Variants in IGFN1 observed in about 807,000 individuals in gnomAD.
IGFN1 encodes the protein immunoglobulin like and fibronectin type III domain containing 1, also known as immunoglobulin-like and fibronectin type III domain-containing protein 1.
IGFN1 carries 253 observed loss-of-function variants against 289.5 expected under a neutral mutation model. The ratio of observed to expected loss-of-function variants is 0.87; its 90% CI spans 0.79 to 0.97. The LOEUF (loss-of-function observed/expected upper bound fraction) is 0.97. Ranked by LOEUF, IGFN1 falls within the 50% of genes least tolerant of loss-of-function variation. The pLI is 0.00. For synonymous variants in IGFN1, 1,706 were observed against 1,788.5 expected (o/e 0.95, Z 1.16); for missense variants, 4,470 against 4,686.1 (o/e 0.95, Z 1.35).
At chr1:201,195,120 G>T (rs1313907220) in intron 3 of IGFN1, among the ~76,000 whole-genome samples, 2 of 151,970 alleles carry the variant, frequency 1.3e-5, no homozygotes, top group East Asian at 1.9e-4. Context: ...TCCCCCTAGA[G>T]AGTAGGAAGG....
intron 5 of IGFN1, among the ~76,000 whole-genome samples, chr1:201,198,039 T>C (rs1483074465): frequency 6.6e-6 from 1 of 152,238 alleles, no homozygotes; most frequent in African/African-American, 2.4e-5. Flanking sequence ...TATCACCTCA[T>C]GGCCATAAGA....
At position 201,206,448 on chromosome 1, in the gene IGFN1, G is replaced by GC. The variant is rs746239913; in HGVS notation, c.1556dup (p.Glu520ArgfsTer31). On this transcript the variant is annotated frameshift_variant, in exon 12 of 24. Transcript: ENST00000335211. LOFTEE classifies it high-confidence loss of function. ...AGAGGGAGGCTGGGCCAGAAGCCTT[G>GC]CAGAGAGGCCCCATCTACAGGGAGA... 13 of 1,551,248 alleles carry GC rather than the reference G, an allele frequency of 8.4e-6. No individual in the cohort carries two copies. In the South Asian group the frequency reaches 1.4e-4, roughly 17 times the overall value.
At chr1:201,193,409 G>A (rs2102314112) in intron 2 of IGFN1, 109 bp downstream of exon 2, 1 of 760,022 alleles carries the variant, frequency 1.3e-6, no homozygotes, top group African/African-American at 1.8e-5. Context: ...TGCCCATCTT[G>A]TTGTTGTTTT....
At position 201,221,327 on chromosome 1, in the gene IGFN1, G is replaced by T. The variant is rs996488506; in HGVS notation, c.9899-117G>T. The T allele has an allele frequency of 7.6e-6, 6 of 785,962 alleles. No homozygotes were observed. In the African/African-American group the frequency reaches 1.1e-4, roughly 14 times the overall value. The allele number at this position is 785,962 out of a possible 1,614,324, so 48.7% of individuals were successfully genotyped here. On this transcript the variant is annotated intron_variant, in intron 18 of 23. Coordinates refer to ENST00000335211, the MANE Select transcript of IGFN1 (RefSeq NM_001164586.2). ...TAGGTGCTTCAGGAAGAATCTAAAG[G>T]CAGAATTGCTAAGTGAAAACAATTC...
rs952640067 is a variant in IGFN1, at chr1:201,217,287, C to A, written c.9596C>A (p.Ala3199Asp). ...ESEEILVAPE[A>D]LPKAPSAPAI... ...TGACTGGAATCTTTCTTACCCCCAGCTCTCCCCAAGGCCCCTTCCGCGCCA... is the reference window on the plus strand; with the variant it reads ...TGACTGGAATCTTTCTTACCCCCAGATCTCCCCAAGGCCCCTTCCGCGCCA... Residue 3199 changes from alanine (A) to aspartate (D), a missense_variant and splice_region_variant, in exon 17 of 24, where the codon GCT becomes GAT. Ala to Asp is a moderately radical substitution (Grantham distance 126). Coordinates refer to ENST00000335211, the MANE Select transcript of IGFN1 (RefSeq NM_001164586.2). The A allele has an allele frequency of 1.3e-5, 21 of 1,612,838 alleles. No homozygotes were observed. Among genetic ancestry groups the A allele is most frequent in the Middle Eastern group, 1.7e-4 (1 of 5,728 alleles).
rs750491773 is a variant in IGFN1 at position 201,225,595 on chromosome 1, A to AAAAC, written c.10487-215_10487-212dup. 6.6e-5 allele frequency among the ~76,000 whole-genome samples: 10 copies of AAAAC among 152,338 alleles called. No individual in the cohort carries two copies. In the East Asian group the frequency reaches 1.2e-3, roughly 18 times the overall value. On this transcript the variant is annotated intron_variant, in intron 21 of 23. Coordinates refer to ENST00000335211, the MANE Select transcript of IGFN1 (RefSeq NM_001164586.2). ...GTGACAGAGCCAGACTCCGTCTCAAAAAACAAACAAACAAACACACTGAAG... is the reference window on the plus strand; with the variant it reads ...GTGACAGAGCCAGACTCCGTCTCAAAAAACAAACAAACAAACAAACACACTGAAG...
chr1:201,207,303 G>A lies in IGFN1; in HGVS notation c.2410G>A (p.Gly804Ser). 1 of 1,536,758 alleles carries A rather than the reference G, an allele frequency of 6.5e-7. No homozygotes were observed. Among genetic ancestry groups the A allele is most frequent in the Non-Finnish European group, 8.7e-7 (1 of 1,146,904 alleles). The change falls in exon 12 of 24, where the codon GGT becomes AGT. Residue 804 changes from glycine (G) to serine (S), a missense_variant. Transcript: ENST00000335211. ...TGGCCAGGAAACAGCTTGGGCCTCG[G>A]GTGAGGTAGAGTATGACCCCAGAAG... Reference protein sequence around the residue: ...RDGQETAWASGEVEYDPRSFQ... With the variant: ...RDGQETAWASSEVEYDPRSFQ...
chr1:201,194,339 G>C, intron 3 of IGFN1, 66 bp downstream of exon 3: 1 of 1,526,814 alleles, frequency 6.5e-7, no homozygotes, highest in East Asian at 2.5e-5. Context: ...CAGGGGAGAG[G>C]GCTGGGGCAC....
chr1:201,227,348 A>G (rs1374356514), intron 23 of IGFN1, 140 bp downstream of exon 23: 2 of 599,254 alleles, frequency 3.3e-6, no homozygotes, highest in Admixed American at 6.5e-5. Context: ...GACTCTATGA[A>G]CTTTCAGCTA....
chr1:201,205,022 C>T (rs1219500361), intron 10 of IGFN1, 60 bp from the exon 11 acceptor site: 16 of 1,463,532 alleles, frequency 1.1e-5, no homozygotes, highest in Admixed American at 2.2e-5. Flanking sequence ...AGCCTTGCTG[C>T]CTTAGGTCAC....
At chr1:201,227,279 G>GCACC in intron 23 of IGFN1, 71 bp downstream of exon 23, 1 of 1,274,662 alleles carries the variant, frequency 7.8e-7, no homozygotes, top group Non-Finnish European at 1.1e-6. Flanking sequence ...TGTCAGGGAG[G>GCACC]CTCCGGGGGG....
At chr1:201,228,171 G>T (rs3753970) in intron 23 of IGFN1, among the ~76,000 whole-genome samples, 1 of 152,058 alleles carries the variant, frequency 6.6e-6, no homozygotes, top group Non-Finnish European at 1.5e-5. Context: ...GTCCCGGAAC[G>T]AAGATGGCAT....
chr1:201,216,076 C>T (rs945469426), intron 15 of IGFN1: 1 of 707,134 alleles, frequency 1.4e-6, no homozygotes, highest in Non-Finnish European at 2.6e-6. Flanking sequence ...TCTCTGACCC[C>T]AATACACTGG....
chr1:201,217,338 G>A lies in IGFN1; in HGVS notation c.9647G>A (p.Gly3216Asp), dbSNP rs778149677. ...APAILSASSQ[G>D]ITLTWTAPRG... The stretch of plus-strand genomic sequence containing the variant: ...GCCATCCTGTCGGCCTCCAGCCAGG[G>A]CATCACACTGACATGGACAGCACCT... Residue 3216 changes from glycine (G) to aspartate (D), a missense_variant, in exon 17 of 24, where the codon GGC (glycine) becomes GAC (aspartate). Transcript: ENST00000335211. 1 of 1,614,114 alleles carries A rather than the reference G, an allele frequency of 6.2e-7. No individual in the cohort carries two copies. Among genetic ancestry groups the A allele is most frequent in the Non-Finnish European group, 8.5e-7 (1 of 1,179,994 alleles).
rs866393822 is a variant in IGFN1 at position 201,213,041 on chromosome 1, G to A, written c.8148G>A (p.Gly2716=). ...DAEDSGILGK[G]NSTEWGNALT... Reference sequence around the variant, plus strand: ...AGGACTCAGGTATCCTGGGCAAGGGGAATTCTACTGAGTGGGGGAATGCCC... The same window carrying A: ...AGGACTCAGGTATCCTGGGCAAGGGAAATTCTACTGAGTGGGGGAATGCCC... The change falls in exon 12 of 24, where the codon GGG becomes GGA. Residue 2716 remains glycine (G), a synonymous_variant. Transcript: ENST00000335211. 1 of 1,551,614 alleles carries A rather than the reference G, an allele frequency of 6.4e-7. No individual in the cohort carries two copies. Among genetic ancestry groups the A allele is most frequent in the Non-Finnish European group, 8.7e-7 (1 of 1,146,948 alleles).
Position 201,203,856 on chromosome 1 carries a change from A to G in IGFN1, c.866A>G (p.Gln289Arg). ...AGGCCTGAGGACTCTGGCATTTACCAGGTCAAGGTGGAGGATGCTGTGGTC... is the reference window on the plus strand; with the variant it reads ...AGGCCTGAGGACTCTGGCATTTACCGGGTCAAGGTGGAGGATGCTGTGGTC... Reference protein sequence around the residue: ...DLRPEDSGIYQVKVEDAVVFS... With the variant: ...DLRPEDSGIYRVKVEDAVVFS... Residue 289 changes from glutamine to arginine, a missense_variant, in exon 10 of 24, where the codon CAG becomes CGG. This residue lies in a region of IGFN1 where 2,011 missense variants were observed against 1,953.4 expected (regional missense o/e 1.03). Coordinates refer to ENST00000335211, the MANE Select transcript of IGFN1 (RefSeq NM_001164586.2). 1.3e-6 allele frequency: 2 copies of G among 1,551,710 alleles called. No individual in the cohort carries two copies. The highest frequency in any genetic ancestry group is 1.7e-6 in the Non-Finnish European group (2 of 1,146,996).
chr1:201,226,790 G>A, intron 22 of IGFN1, 92 bp from the exon 23 acceptor site: 4 of 997,898 alleles, frequency 4.0e-6, no homozygotes, highest in Non-Finnish European at 6.0e-6. Context: ...AGGCCTACAT[G>A]GTAGCTTCAT....
rs765114840 is a variant in IGFN1 at position 201,227,167 on chromosome 1, C to T, written c.11072C>T (p.Thr3691Met). 34 of 1,610,692 alleles carry T rather than the reference C, an allele frequency of 2.1e-5. No homozygotes were observed. Among genetic ancestry groups the T allele is most frequent in the South Asian group, 2.0e-4 (18 of 90,628 alleles). Residue 3691 changes from threonine (T) to methionine (M), a missense_variant, in exon 23 of 24, where the codon ACG becomes ATG. Thr to Met is a moderately conservative substitution (Grantham distance 81, BLOSUM62 -1). Coordinates refer to ENST00000335211, the MANE Select transcript of IGFN1 (RefSeq NM_001164586.2). Reference sequence around the variant, plus strand: ...GAGTACAAGGCTGTGGCTGAGAACACGCTGGGCCAGGCAGTCAGCACTGCC... The same window carrying T: ...GAGTACAAGGCTGTGGCTGAGAACATGCTGGGCCAGGCAGTCAGCACTGCC... ...SGEYKAVAEN[T>M]LGQAVSTATL...
At chr1:201,202,368 G>A (rs1667202121) in intron 9 of IGFN1, among the ~76,000 whole-genome samples, 1 of 152,130 alleles carries the variant, frequency 6.6e-6, no homozygotes, top group Admixed American at 6.5e-5. Flanking sequence ...GGATAATATA[G>A]GACCTGTCTC....
Sources: allele counts gnomAD v4.1 joint callset (sites outside exome capture counted in the v4.1 genomes callset), GRCh38; gene constraint gnomAD v4.1.1; regional missense constraint gnomAD v4.1.1; transcripts MANE v1.5; gene names NCBI Gene and HGNC (gene_info 2026-07-23, HGNC 2026-07-21).